Variants in FBN1 observed in about 807,000 individuals in gnomAD.
FBN1 encodes the protein fibrillin-1.
In FBN1, 29 loss-of-function variants were observed where a neutral mutation model predicts 365.1. The ratio of observed to expected loss-of-function variants is 0.08; its 90% CI spans 0.06 to 0.11. The LOEUF is 0.11. Ranked by LOEUF, FBN1 falls within the 10% of genes least tolerant of loss-of-function variation. The pLI is 1.00. For missense variants in FBN1, 2,476 were observed against 3,703.2 expected (o/e 0.67, Z 8.60); for synonymous variants, 1,210 against 1,270.5 (o/e 0.95, Z 1.01).
intron 14 of FBN1, 148 bp from the exon 15 acceptor site, chr15:48,508,852 T>A: frequency 1.0e-6 from 1 of 973,148 alleles, no homozygotes; most frequent in Non-Finnish European, 1.5e-6. Flanking sequence ...TAAGATCATC[T>A]AAGGAAGGAG....
intron 40 of FBN1, among the ~76,000 whole-genome samples, chr15:48,465,259 T>C (rs1367233363): frequency 1.3e-5 from 2 of 152,198 alleles, no homozygotes; most frequent in Non-Finnish European, 2.9e-5. Flanking sequence ...ACCTGTGCCA[T>C]TCATGTAAAA....
intron 63 of FBN1, among the ~76,000 whole-genome samples, chr15:48,419,602 C>T (rs1837482162): frequency 6.6e-6 from 1 of 152,174 alleles, no homozygotes; most frequent in South Asian, 2.1e-4. Flanking sequence ...GCACAGGGGT[C>T]ACTTCAGTCA....
At chr15:48,460,206 C>G in intron 43 of FBN1, 40 bp downstream of exon 43, 1 of 1,525,766 alleles carries the variant, frequency 6.6e-7, no homozygotes. Flanking sequence ...AACACAAAGG[C>G]AAAAAACCAG....
intron 25 of FBN1, among the ~76,000 whole-genome samples, chr15:48,489,403 C>A (rs887382735): frequency 6.6e-6 from 1 of 151,908 alleles, no homozygotes; most frequent in South Asian, 2.1e-4. Context: ...AAACTGCATA[C>A]ATGTAACATG....
chr15:48,422,016 G>A lies in FBN1; in HGVS notation c.7506C>T (p.Asn2502=). 6.2e-7 allele frequency: 1 copy of A among 1,614,132 alleles called. No individual in the cohort carries two copies. The highest frequency in any genetic ancestry group is 8.5e-7 in the Non-Finnish European group (1 of 1,179,986). Residue 2502 remains asparagine (N), a synonymous_variant, in exon 61 of 66, where the codon AAC becomes AAT. Coordinates refer to ENST00000316623, the MANE Select transcript of FBN1 (RefSeq NM_000138.5). The part of the protein sequence containing the change: ...KQHNCQFLCV[N]TIGGFTCKCP... ...ATTTGCATGTGAAGCCGCCAATGGT[G>A]TTAACACATAGGAACTGGCAGTTGT...
chr15:48,416,321 AGTGTCTGCCCCAC>A (rs978458463), intron 63 of FBN1, among the ~76,000 whole-genome samples: 1 of 152,186 alleles, frequency 6.6e-6, no homozygotes, highest in Non-Finnish European at 1.5e-5. Context: ...TCCTGCCCCA[AGTGTCTGCCCCAC>A]GTGTCTGCCC....
chr15:48,567,605 T>C (rs1231114662), intron 6 of FBN1, among the ~76,000 whole-genome samples: 1 of 152,086 alleles, frequency 6.6e-6, no homozygotes, highest in African/African-American at 2.4e-5. Context: ...TAAAAAGAAG[T>C]ATTCACCATG....
At chr15:48,426,607 G>A (rs920675061) in intron 58 of FBN1, among the ~76,000 whole-genome samples, 6 of 152,032 alleles carry the variant, frequency 3.9e-5, no homozygotes, top group Non-Finnish European at 8.8e-5. Flanking sequence ...GCGAAGTGCC[G>A]ATACAAGCAC....
chr15:48,527,272 T>C (rs1427922720), intron 8 of FBN1, among the ~76,000 whole-genome samples: 2 of 152,214 alleles, frequency 1.3e-5, no homozygotes, highest in Non-Finnish European at 2.9e-5. Context: ...AAAATTCCCT[T>C]AGGACAAATA....
chr15:48,430,938 G>A, intron 55 of FBN1, 136 bp from the exon 56 acceptor site: 1 of 820,934 alleles, frequency 1.2e-6, no homozygotes. Flanking sequence ...ATTTCCTTCT[G>A]CTCTGTTGAG....
chr15:48,567,314 T>C (rs1026622257), intron 6 of FBN1, among the ~76,000 whole-genome samples: 6 of 152,232 alleles, frequency 3.9e-5, no homozygotes, highest in Non-Finnish European at 7.3e-5. Flanking sequence ...TTCAGTTTTA[T>C]TATATTTTTA....
rs548838534 is a variant in FBN1, at chr15:48,468,378, T to C, written c.4582+34A>G. On this transcript the variant is annotated intron_variant, in intron 37 of 65. Coordinates refer to ENST00000316623, the MANE Select transcript of FBN1 (RefSeq NM_000138.5). ...GCTGTTTTCAAAATAATACACAGTA[T>C]GCTTGCTTCTCTGAAAAGTTTTTAA... 2.4e-5 allele frequency: 39 copies of C among 1,613,350 alleles called. No individual in the cohort carries two copies. In the Admixed American group the frequency reaches 6.2e-4, roughly 25 times the overall value.
intron 4 of FBN1, among the ~76,000 whole-genome samples, chr15:48,600,598 G>A (rs772334650): frequency 9.9e-5 from 15 of 152,184 alleles, no homozygotes; most frequent in South Asian, 2.1e-4. Flanking sequence ...CAGCCACTCC[G>A]GAGGCTGAGG....
intron 6 of FBN1, among the ~76,000 whole-genome samples, chr15:48,577,920 T>C (rs755222452): frequency 7.2e-5 from 11 of 152,192 alleles, no homozygotes; most frequent in Non-Finnish European, 1.6e-4. Context: ...AGTCTTCAGC[T>C]GGCACCACAT....
intron 8 of FBN1, among the ~76,000 whole-genome samples, chr15:48,532,183 AAAGC>A (rs1346422197): frequency 6.6e-6 from 1 of 152,234 alleles, no homozygotes; most frequent in African/African-American, 2.4e-5. Context: ...GTCTGAATGA[AAAGC>A]AAGAGACAAA....
intron 59 of FBN1, 109 bp from the exon 60 acceptor site, chr15:48,425,600 ACT>A (rs2042973060): frequency 2.6e-6 from 4 of 1,557,596 alleles, no homozygotes; most frequent in South Asian, 1.1e-5. Context: ...GAAAAAGGAA[ACT>A]CTGTGTAGAC....
At chr15:48,603,655 C>T (rs2044584365) in intron 4 of FBN1, among the ~76,000 whole-genome samples, 1 of 152,106 alleles carries the variant, frequency 6.6e-6, no homozygotes, top group Admixed American at 6.5e-5. Context: ...CAACTGAAAC[C>T]TAGGGGTTCC....
intron 38 of FBN1, among the ~76,000 whole-genome samples, 190 bp from the exon 39 acceptor site, chr15:48,466,048 T>G (rs1016494806): frequency 1.3e-5 from 2 of 152,226 alleles, no homozygotes; most frequent in African/African-American, 4.8e-5. Flanking sequence ...TTTTATTATG[T>G]GTCCCCAGTG....
At chr15:48,514,646 TA>T (rs2141329007) in intron 12 of FBN1, among the ~76,000 whole-genome samples, 1 of 152,316 alleles carries the variant, frequency 6.6e-6, no homozygotes, top group East Asian at 1.9e-4. Flanking sequence ...TTCTTCCATT[TA>T]AAATAACTAG....
Sources: allele counts gnomAD v4.1 joint callset (sites outside exome capture counted in the v4.1 genomes callset), GRCh38; gene constraint gnomAD v4.1.1; transcripts MANE v1.5; gene names NCBI Gene and HGNC (gene_info 2026-07-23, HGNC 2026-07-21).